The following SMARCA2 variants were observed in gnomAD, a reference collection of about 807,000 sequenced individuals.
The protein encoded by SMARCA2 is SWI/SNF-related matrix-associated actin-dependent regulator of chromatin subfamily A member 2.
SMARCA2 carries 61 observed loss-of-function variants against 199.8 expected under a neutral mutation model. The ratio of observed to expected loss-of-function variants is 0.31; its 90% CI spans 0.25 to 0.38. The LOEUF (loss-of-function observed/expected upper bound fraction) is 0.38, where lower values mean the gene tolerates loss of function less well. SMARCA2 is among the 10% of genes least tolerant of loss of function. The probability of loss-of-function intolerance (pLI) is 1.00; values close to 1 mark genes in which losing one functional copy is unlikely to be tolerated. For missense variants in SMARCA2, 1,344 were observed against 2,012.2 expected (o/e 0.67, Z 6.35); for synonymous variants, 935 against 732.0 (o/e 1.28, Z -4.48).
intron 14 of SMARCA2, among the ~76,000 whole-genome samples, chr9:2,078,974 A>G (rs1363588699): frequency 6.6e-6 from 1 of 152,054 alleles, no homozygotes; most frequent in Non-Finnish European, 1.5e-5. Context: ...AAAAATAAAA[A>G]TAGATAAATA....
At chr9:2,097,502 T>C (rs367899603) in intron 21 of SMARCA2, 31 bp downstream of exon 21, 9 of 1,354,368 alleles carry the variant, frequency 6.6e-6, no homozygotes, top group Non-Finnish European at 9.5e-6. Context: ...TTGAGCCTGA[T>C]TGTGCTAATC....
rs35427397 is a variant in SMARCA2, at chr9:2,187,117, A to AT, written c.4594+899dup. On this transcript the variant is annotated intron_variant, in intron 32 of 33. Transcript: ENST00000349721. The stretch of plus-strand genomic sequence containing the variant: ...GTTGGAACTGTGAATTTTGCATAGA[A>AT]TTTTTTTTTTGCCAGGGGAAGAGGG... 5.0e-3 allele frequency among the ~76,000 whole-genome samples: 747 copies of AT among 150,696 alleles called. 4 individuals carry two copies. The highest frequency in any genetic ancestry group is 0.012 in the African/African-American group (506 of 41,092).
At chr9:2,179,348 G>T (rs951107518) in intron 29 of SMARCA2, among the ~76,000 whole-genome samples, 4 of 152,180 alleles carry the variant, frequency 2.6e-5, no homozygotes, top group Non-Finnish European at 5.9e-5. Flanking sequence ...ATAACTTCCA[G>T]GTCCTCCTTT....
At chr9:2,060,243 C>G (rs776743388) in intron 8 of SMARCA2, among the ~76,000 whole-genome samples, 2 of 151,170 alleles carry the variant, frequency 1.3e-5, no homozygotes, top group Non-Finnish European at 2.9e-5. Context: ...GTTAAAAGCC[C>G]ATTTGATTCC....
At chr9:2,081,708 C>T (rs1406035060) in intron 14 of SMARCA2, 124 bp from the exon 15 acceptor site, 3 of 736,208 alleles carry the variant, frequency 4.1e-6, no homozygotes, top group Middle Eastern at 2.5e-4. Context: ...CCCCCATTTT[C>T]CTACTGTGGG....
At chr9:2,051,972 T>A (rs1277577930) in intron 5 of SMARCA2, among the ~76,000 whole-genome samples, 2 of 152,216 alleles carry the variant, frequency 1.3e-5, no homozygotes, top group Non-Finnish European at 2.9e-5. Flanking sequence ...AGTAGATGTC[T>A]GTTTCATATA....
At chr9:2,082,053 A>T (rs1455059505) in intron 15 of SMARCA2, 58 bp downstream of exon 15, 2 of 1,409,666 alleles carry the variant, frequency 1.4e-6, no homozygotes, top group African/African-American at 1.4e-5. Flanking sequence ...GTGCCCGATT[A>T]GTAGCTTGTC....
At position 2,039,636 on chromosome 9, in the gene SMARCA2, C is replaced by A. The variant is rs771809195; in HGVS notation, c.526C>A (p.Pro176Thr). 1 of 1,614,210 alleles carries A rather than the reference C, an allele frequency of 6.2e-7. No homozygotes were observed. Among genetic ancestry groups the A allele is most frequent in the Non-Finnish European group, 8.5e-7 (1 of 1,180,052 alleles). The change falls in exon 4 of 34, where the codon CCT becomes ACT. Residue 176 changes from proline to threonine, a missense_variant. Coordinates refer to ENST00000349721, the MANE Select transcript of SMARCA2 (RefSeq NM_003070.5). This position sits in a 1 kb window ranked among gnomAD's most constrained non-coding sequence, Gnocchi z 4.8. Reference sequence around the variant, plus strand: ...CAACAGAGGTCCCTCACCTTTCAGTCCTGTCCAGCTGCATCAGCTTCGAGC... The same window carrying A: ...CAACAGAGGTCCCTCACCTTTCAGTACTGTCCAGCTGCATCAGCTTCGAGC... ...QPNRGPSPFS[P>T]VQLHQLRAQI...
chr9:2,036,871 T>G (rs75927634), intron 3 of SMARCA2, among the ~76,000 whole-genome samples: 3,839 of 152,306 alleles, frequency 0.025, 80 homozygotes, highest in Non-Finnish European at 0.039. Flanking sequence ...AAAAGAGTGA[T>G]TTAAGAAATA....
intron 16 of SMARCA2, 38 bp downstream of exon 16, chr9:2,083,451 C>G: frequency 7.7e-7 from 1 of 1,301,536 alleles, no homozygotes; most frequent in South Asian, 1.3e-5. Context: ...TGTGGAAAAG[C>G]AAAAAATAGA....
chr9:2,028,918 C>A, intron 1 of SMARCA2, 69 bp from the exon 2 acceptor site: 1 of 1,291,476 alleles, frequency 7.7e-7, no homozygotes, highest in Non-Finnish European at 1.1e-6. Flanking sequence ...CAAATGCTAA[C>A]AATTGTTTTA....
At chr9:2,107,054 C>G (rs1822783461) in intron 23 of SMARCA2, among the ~76,000 whole-genome samples, 1 of 152,070 alleles carries the variant, frequency 6.6e-6, no homozygotes, top group African/African-American at 2.4e-5. Flanking sequence ...TTTGGATAGA[C>G]TGTTACATGG....
Position 2,110,226 on chromosome 9 carries a change from G to T in SMARCA2, c.3293-28G>T, listed in dbSNP as rs752551217. ...TGCCATTTTCAGACAAGAGTTAATT[G>T]GCAAATTAATTTTTCTGATCCCCTC... On this transcript the variant is annotated intron_variant, in intron 23 of 33. Coordinates refer to ENST00000349721, the MANE Select transcript of SMARCA2 (RefSeq NM_003070.5). The surrounding 1 kb of genome is among the most constrained non-coding windows in gnomAD (Gnocchi z 4.8). 13 of 1,556,204 alleles carry T rather than the reference G, an allele frequency of 8.4e-6. No homozygotes were observed. The East Asian group carries it at 3.0e-4, about 35-fold the overall frequency.
At chr9:2,186,425 G>T (rs991594597) in intron 32 of SMARCA2, among the ~76,000 whole-genome samples, 197 bp downstream of exon 32, 1 of 152,140 alleles carries the variant, frequency 6.6e-6, no homozygotes, top group Non-Finnish European at 1.5e-5. Context: ...ATAAAACTGA[G>T]GTCATAAAAA....
At chr9:2,190,244 A>C (rs1049555748) in intron 32 of SMARCA2, among the ~76,000 whole-genome samples, 1 of 152,224 alleles carries the variant, frequency 6.6e-6, no homozygotes, top group Non-Finnish European at 1.5e-5. Context: ...CTGACAGAGC[A>C]CTGTTAGAAA....
intron 6 of SMARCA2, among the ~76,000 whole-genome samples, chr9:2,055,903 T>C (rs1294762533): frequency 6.6e-6 from 1 of 152,228 alleles, no homozygotes; most frequent in Non-Finnish European, 1.5e-5. Flanking sequence ...CGGACTCTTA[T>C]TGATTTCTGA....
At chr9:2,095,059 T>C (rs771733256) in intron 19 of SMARCA2, among the ~76,000 whole-genome samples, 5 of 152,112 alleles carry the variant, frequency 3.3e-5, no homozygotes, top group Non-Finnish European at 7.3e-5. Context: ...TTGATACAAT[T>C]ATACCTCAAT....
At chr9:2,082,340 TGTG>T (rs1821603829) in intron 15 of SMARCA2, among the ~76,000 whole-genome samples, 1 of 147,810 alleles carries the variant, frequency 6.8e-6, no homozygotes, top group African/African-American at 2.6e-5. Flanking sequence ...TGTGTGTGTG[TGTG>T]TGTGTGTGAT....
chr9:2,149,749 T>C (rs1586757434), intron 27 of SMARCA2, among the ~76,000 whole-genome samples: 1 of 151,714 alleles, frequency 6.6e-6, no homozygotes, highest in East Asian at 1.9e-4. Flanking sequence ...TCTTATTTTT[T>C]TGCGCTTTAG....
Sources: allele counts gnomAD v4.1 joint callset (sites outside exome capture counted in the v4.1 genomes callset), GRCh38; gene constraint gnomAD v4.1.1; non-coding constraint Gnocchi (gnomAD v3.1); transcripts MANE v1.5; gene names NCBI Gene and HGNC (gene_info 2026-07-23, HGNC 2026-07-21).